Variants in FLNB observed in about 807,000 individuals in gnomAD.
FLNB encodes filamin B.
FLNB carries 111 observed loss-of-function variants against 250.6 expected under a neutral mutation model. That is an observed-to-expected ratio of 0.44 (90% CI 0.38 to 0.52). The LOEUF (loss-of-function observed/expected upper bound fraction) is 0.52. Among genes scored for constraint, FLNB ranks in the 20% least tolerant of loss-of-function variants. FLNB has a pLI of 0.00. For synonymous variants in FLNB, 1,302 were observed against 1,372.1 expected (o/e 0.95, Z 1.13); for missense variants, 2,869 against 3,447.8 (o/e 0.83, Z 4.20).
chr3:58,098,990 C>A, intron 8 of FLNB, 82 bp downstream of exon 8: 1 of 1,196,314 alleles, frequency 8.4e-7, no homozygotes, highest in South Asian at 1.2e-5. Flanking sequence ...GGAAAACAGT[C>A]AGGGCCCAAC....
rs1224866008 is a variant in FLNB at position 58,076,621 on chromosome 3, A to AT, written c.293-409dup. ...AGGAGTGAGCCACCATGCTCGGCTA[A>AT]TTTTTTTTTTTTTTTTGGGTAGAGA... On this transcript the variant is annotated intron_variant, in intron 1 of 45. Coordinates refer to ENST00000295956, the MANE Select transcript of FLNB (RefSeq NM_001457.4). Among the ~76,000 whole-genome samples the AT allele has an allele frequency of 6.1e-3, 856 of 140,968 alleles. 8 individuals are homozygous for AT. Among genetic ancestry groups the AT allele is most frequent in the African/African-American group, 0.014 (533 of 38,460 alleles). 92.5% of individuals were successfully genotyped at this position (140,968 alleles called of 152,430 possible).
At chr3:58,024,311 C>T (rs2097119502) in intron 1 of FLNB, among the ~76,000 whole-genome samples, 1 of 152,220 alleles carries the variant, frequency 6.6e-6, no homozygotes, top group Non-Finnish European at 1.5e-5. Context: ...GCAGTACCCC[C>T]TTACTGGCGT....
At chr3:58,051,505 G>A (rs1295948959) in intron 1 of FLNB, among the ~76,000 whole-genome samples, 1 of 152,142 alleles carries the variant, frequency 6.6e-6, no homozygotes, top group Non-Finnish European at 1.5e-5. Flanking sequence ...ATCTGCATGT[G>A]GATAAAGGGT....
intron 1 of FLNB, among the ~76,000 whole-genome samples, chr3:58,043,164 T>G (rs2097148618): frequency 1.5e-5 from 2 of 131,574 alleles, no homozygotes; most frequent in African/African-American, 3.0e-5. Context: ...TTTTTTTTTT[T>G]GAGACAGAGT....
chr3:58,110,459 T>A (rs2097266643), intron 16 of FLNB, among the ~76,000 whole-genome samples: 1 of 150,566 alleles, frequency 6.6e-6, no homozygotes, highest in South Asian at 2.1e-4. Flanking sequence ...ATTTTTTTAT[T>A]TTTTTTTTGA....
chr3:58,138,044 C>T (rs889765172), intron 28 of FLNB, among the ~76,000 whole-genome samples: 17 of 152,160 alleles, frequency 1.1e-4, no homozygotes, highest in Admixed American at 9.8e-4. Context: ...GCTGGCAAAC[C>T]CAGGCTAACC....
intron 1 of FLNB, among the ~76,000 whole-genome samples, chr3:58,025,053 C>T (rs2097121293): frequency 6.7e-6 from 1 of 149,736 alleles, no homozygotes; most frequent in Non-Finnish European, 1.5e-5. Context: ...ATTGCCCTCC[C>T]TCACCCTTTC....
chr3:58,150,635 A>G (rs1158769551), intron 38 of FLNB: 2 of 294,014 alleles, frequency 6.8e-6, no homozygotes, highest in African/African-American at 4.4e-5. Flanking sequence ...TCATTCCTGA[A>G]ATTAGAACGA....
chr3:58,050,472 A>G (rs1174797505), intron 1 of FLNB, among the ~76,000 whole-genome samples: 3 of 152,160 alleles, frequency 2.0e-5, no homozygotes, highest in African/African-American at 7.2e-5. Context: ...TTCTGGAAAA[A>G]ACAGGGGTTC....
chr3:58,126,121 A>C (rs1356555470), intron 23 of FLNB, among the ~76,000 whole-genome samples: 3 of 152,356 alleles, frequency 2.0e-5, no homozygotes, highest in African/African-American at 7.2e-5. Context: ...TCACACCTGT[A>C]ATCTCAGCAC....
chr3:58,117,966 CT>C (rs1340885902), intron 18 of FLNB, among the ~76,000 whole-genome samples: 2 of 152,212 alleles, frequency 1.3e-5, no homozygotes, highest in African/African-American at 4.8e-5. Context: ...CTCCCTCACA[CT>C]TTCCTGTTAC....
At chr3:58,090,970 C>T (rs964225249) in intron 4 of FLNB, among the ~76,000 whole-genome samples, 11 of 151,628 alleles carry the variant, frequency 7.3e-5, no homozygotes, top group South Asian at 6.3e-4. Flanking sequence ...CCCAGCTACT[C>T]GGGAGGCTGA....
rs753697239 is a variant in FLNB at position 58,081,745 on chromosome 3, C to T, written c.756C>T (p.Leu252=). Residue 252 remains leucine, a synonymous_variant, in exon 4 of 46, where the codon CTC becomes CTT. Coordinates refer to ENST00000295956, the MANE Select transcript of FLNB (RefSeq NM_001457.4). ...LKPGAPLKPK[L]NPKKARAYGR... is the part of the protein sequence containing the mutation. ...CGGGGGCTCCTCTCAAACCCAAACT[C>T]AACCCGAAGAAAGCCAGGGCCTATG... 1.9e-6 allele frequency: 3 copies of T among 1,614,148 alleles called. No individual in the cohort carries two copies. In the South Asian group the frequency reaches 3.3e-5, roughly 18 times the overall value.
In FLNB at chr3:58,146,908, G is replaced by C. The variant is rs1331232461; in HGVS notation, c.5643G>C (p.Leu1881=). ...NKDGTCTVTY[L]PTLPGDYSIL... is the part of the protein sequence containing the mutation. ...ATGGGACATGCACAGTGACCTACCT[G>C]CCGACTCTGCCAGGCGACTACAGCA... Residue 1881 remains leucine (L), a synonymous_variant, in exon 34 of 46, where the codon CTG becomes CTC. Coordinates refer to ENST00000295956, the MANE Select transcript of FLNB (RefSeq NM_001457.4). 6.8e-6 allele frequency: 11 copies of C among 1,614,180 alleles called. No individual in the cohort carries two copies. Among genetic ancestry groups the C allele is most frequent in the Non-Finnish European group, 9.3e-6 (11 of 1,180,028 alleles).
intron 1 of FLNB, among the ~76,000 whole-genome samples, chr3:58,013,219 G>C (rs2097101463): frequency 6.6e-6 from 1 of 152,184 alleles, no homozygotes; most frequent in Non-Finnish European, 1.5e-5. Flanking sequence ...AAGTTTGGGT[G>C]GTGTGTTTTG....
At chr3:58,118,508 T>C (rs1307403990) in intron 18 of FLNB, among the ~76,000 whole-genome samples, 1 of 152,130 alleles carries the variant, frequency 6.6e-6, no homozygotes, top group Non-Finnish European at 1.5e-5. Context: ...GGCACGTTCC[T>C]TTACCAGTCT....
intron 1 of FLNB, among the ~76,000 whole-genome samples, chr3:58,028,616 CTT>C (rs58801511): frequency 2.9e-4 from 40 of 139,144 alleles, no homozygotes; most frequent in East Asian, 2.3e-3. Flanking sequence ...TTTTTCTTTT[CTT>C]TTTTTTTTTT....
At chr3:58,136,292 A>G (rs1410571525) in intron 28 of FLNB, 124 bp downstream of exon 28, 4 of 865,186 alleles carry the variant, frequency 4.6e-6, no homozygotes, top group African/African-American at 1.7e-5. Flanking sequence ...ACTGAACTTC[A>G]GTTTGACATA....
chr3:58,112,515 G>C (rs2097270598), intron 18 of FLNB, among the ~76,000 whole-genome samples, 197 bp downstream of exon 18: 1 of 152,224 alleles, frequency 6.6e-6, no homozygotes, highest in South Asian at 2.1e-4. Context: ...CAGGTGAACT[G>C]CAGAATTCCC....
Sources: gnomAD v4.1 joint callset for allele counts (sites outside exome capture counted in the v4.1 genomes callset) on GRCh38, gnomAD v4.1.1 for gene constraint, MANE v1.5 for transcripts, NCBI Gene and HGNC (gene_info 2026-07-23, HGNC 2026-07-21) for gene names.